Variants in SLC35F1 observed in about 807,000 individuals in gnomAD.
The protein encoded by SLC35F1 is chromosome 6 open reading frame 169.
Under a neutral mutation model 48.7 loss-of-function variants are expected in SLC35F1, and 14 were observed. That is an observed-to-expected ratio of 0.29 (90% CI 0.19 to 0.45). SLC35F1 has a LOEUF of 0.45. Among genes scored for constraint, SLC35F1 ranks in the 20% least tolerant of loss-of-function variants. The probability of loss-of-function intolerance (pLI) is 1.00; values close to 1 mark genes in which losing one functional copy is unlikely to be tolerated. For missense variants in SLC35F1, 404 were observed against 500.0 expected, an observed-to-expected ratio of 0.81 and a Z score of 1.83; for synonymous variants, 190 against 202.2, an observed-to-expected ratio of 0.94 and a Z score of 0.51.
chr6:118,151,804 A>T (rs1161635526), intron 1 of SLC35F1, among the ~76,000 whole-genome samples: 2 of 152,208 alleles, frequency 1.3e-5, no homozygotes, highest in African/African-American at 4.8e-5. Flanking sequence ...GGTGTGAGCC[A>T]CTGCGCCTGG....
chr6:117,927,633 A>G (rs1776045727), intron 1 of SLC35F1, among the ~76,000 whole-genome samples: 1 of 152,188 alleles, frequency 6.6e-6, no homozygotes, highest in Non-Finnish European at 1.5e-5. Context: ...TACATCTTTT[A>G]GGGCAGGGAC....
intron 1 of SLC35F1, among the ~76,000 whole-genome samples, chr6:118,003,348 TGTAGTTA>T (rs952849402): frequency 6.6e-6 from 1 of 152,224 alleles, no homozygotes; most frequent in African/African-American, 2.4e-5. Flanking sequence ...TAGTTAACTC[TGTAGTTA>T]CCAGGATAAC....
At position 117,915,629 on chromosome 6, in the gene SLC35F1, T is replaced by C. The variant is rs1470908505; in HGVS notation, c.173+7730T>C. Reference sequence around the variant, plus strand: ...GAAGAAGAGGGAATTAAGGCTAGATTTGTAGGATGGGATCAGATAACTGAA... The same window carrying C: ...GAAGAAGAGGGAATTAAGGCTAGATCTGTAGGATGGGATCAGATAACTGAA... On this transcript the variant is annotated intron_variant, in intron 1 of 7. Transcript: ENST00000360388. Among the ~76,000 whole-genome samples, 6 of 152,116 alleles carry C rather than the reference T, an allele frequency of 3.9e-5. No homozygotes were observed. In the East Asian group the frequency reaches 1.2e-3, roughly 29 times the overall value.
At chr6:118,261,955 G>T (rs894720139) in intron 3 of SLC35F1, among the ~76,000 whole-genome samples, 3 of 152,116 alleles carry the variant, frequency 2.0e-5, no homozygotes, top group Non-Finnish European at 4.4e-5. Context: ...GCCTCTCCCT[G>T]CATCCCAGAC....
At chr6:118,253,805 G>T (rs1298510526) in intron 3 of SLC35F1, among the ~76,000 whole-genome samples, 1 of 152,084 alleles carries the variant, frequency 6.6e-6, no homozygotes, top group Admixed American at 6.5e-5. Flanking sequence ...AGTGAAAGGA[G>T]CTGTCAGTAT....
At chr6:118,311,560 C>A (rs1776372124) in intron 7 of SLC35F1, among the ~76,000 whole-genome samples, 1 of 152,208 alleles carries the variant, frequency 6.6e-6, no homozygotes, top group African/African-American at 2.4e-5. Flanking sequence ...GAGGCCAAGG[C>A]AGGTGGATGG....
intron 2 of SLC35F1, among the ~76,000 whole-genome samples, chr6:118,192,556 A>T (rs150411276): frequency 5.2e-4 from 79 of 152,328 alleles, no homozygotes; most frequent in Middle Eastern, 3.4e-3. Context: ...TTAAATAGTC[A>T]GTTAAATACA....
In SLC35F1 at chr6:118,071,017, A is replaced by ATATATATACTATGTG. The variant is rs1562280884; in HGVS notation, c.174-83421_174-83420insACTATGTGTATATAT. Among the ~76,000 whole-genome samples the ATATATATACTATGTG allele has an allele frequency of 3.2e-4, 26 of 82,100 alleles. 1 individual carries two copies. The Admixed American group carries it at 3.4e-3, about 11-fold the overall frequency. 53.9% of individuals were successfully genotyped at this position (82,100 alleles called of 152,430 possible). ...GTGTGTGTATATATATACACGTAGT[A>ATATATATACTATGTG]TATATATTCTACGTGTATATATATA... On this transcript the variant is annotated intron_variant, in intron 1 of 7. Transcript: ENST00000360388.
intron 1 of SLC35F1, among the ~76,000 whole-genome samples, chr6:117,912,284 C>G (rs1458061404): frequency 6.6e-6 from 1 of 152,054 alleles, no homozygotes; most frequent in African/African-American, 2.4e-5. Context: ...TGAATATAAA[C>G]CAAAGATCGT....
At chr6:118,221,175 T>G (rs925989623) in intron 2 of SLC35F1, among the ~76,000 whole-genome samples, 1 of 152,100 alleles carries the variant, frequency 6.6e-6, no homozygotes, top group African/African-American at 2.4e-5. Flanking sequence ...CTATTTAGCT[T>G]CTGAAGCTTC....
At chr6:118,247,910 C>T (rs984592998) in intron 3 of SLC35F1, among the ~76,000 whole-genome samples, 4 of 152,322 alleles carry the variant, frequency 2.6e-5, no homozygotes, top group African/African-American at 9.6e-5. Context: ...TATAATTTAT[C>T]CTTCATTTGA....
chr6:117,982,449 C>G (rs1000382574), intron 1 of SLC35F1, among the ~76,000 whole-genome samples: 3 of 152,206 alleles, frequency 2.0e-5, no homozygotes, highest in African/African-American at 7.2e-5. Context: ...CCCTAATCTT[C>G]ATTCTTCGTT....
intron 1 of SLC35F1, among the ~76,000 whole-genome samples, chr6:118,144,713 ATTAC>A (rs906934061): frequency 3.3e-5 from 5 of 151,972 alleles, no homozygotes; most frequent in African/African-American, 4.8e-5. Flanking sequence ...AAATATTATC[ATTAC>A]TTTATATGTG....
chr6:118,102,392 C>T (rs942214280), intron 1 of SLC35F1, among the ~76,000 whole-genome samples: 1 of 152,112 alleles, frequency 6.6e-6, no homozygotes, highest in Non-Finnish European at 1.5e-5. Flanking sequence ...CTGTGTTGCC[C>T]AACCTGATCT....
intron 1 of SLC35F1, among the ~76,000 whole-genome samples, chr6:117,935,022 G>A (rs1170605145): frequency 2.6e-5 from 4 of 152,114 alleles, no homozygotes; most frequent in Admixed American, 6.5e-5. Context: ...CAGGAGAATC[G>A]TTTGAACCTG....
At chr6:118,288,006 T>C (rs1341918584) in intron 7 of SLC35F1, among the ~76,000 whole-genome samples, 1 of 87,114 alleles carries the variant, frequency 1.1e-5, no homozygotes, top group Non-Finnish European at 2.5e-5. Context: ...ACAGCAATGA[T>C]TTGGGTTTTT....
rs61098863 is a variant in SLC35F1 at position 117,923,627 on chromosome 6, A to G, written c.173+15728A>G. Among the ~76,000 whole-genome samples the G allele has an allele frequency of 2.7e-3, 216 of 79,304 alleles. 8 individuals are homozygous for G. Among genetic ancestry groups the G allele is most frequent in the Non-Finnish European group, 3.4e-3 (131 of 38,430 alleles). 52.0% of individuals were successfully genotyped at this position (79,304 alleles called of 152,430 possible). On this transcript the variant is annotated intron_variant, in intron 1 of 7. Coordinates refer to ENST00000360388, the MANE Select transcript of SLC35F1 (RefSeq NM_001029858.4). Reference sequence around the variant, plus strand: ...TATATACATATACATATGTATATATACATATATGTACATATGTACATATGT... The same window carrying G: ...TATATACATATACATATGTATATATGCATATATGTACATATGTACATATGT...
intron 1 of SLC35F1, among the ~76,000 whole-genome samples, chr6:118,113,727 T>C (rs888146285): frequency 6.6e-6 from 1 of 152,200 alleles, no homozygotes; most frequent in African/African-American, 2.4e-5. Context: ...TTCTTTAACT[T>C]TTCTTCCTGG....
chr6:118,180,707 T>C (rs1774563143), intron 2 of SLC35F1, among the ~76,000 whole-genome samples: 1 of 151,946 alleles, frequency 6.6e-6, no homozygotes. Flanking sequence ...TTAATTGACA[T>C]GGAGAGTGAG....
Sources: gnomAD v4.1 joint callset for allele counts (sites outside exome capture counted in the v4.1 genomes callset) on GRCh38, gnomAD v4.1.1 for gene constraint, MANE v1.5 for transcripts, NCBI Gene and HGNC (gene_info 2026-07-23, HGNC 2026-07-21) for gene names.